RALGAPA2: variants seen among roughly 807,000 people sequenced by gnomAD.
The protein encoded by RALGAPA2 is ral GTPase-activating protein subunit alpha-2.
In RALGAPA2, 139 loss-of-function variants were observed where a neutral mutation model predicts 230.4. The ratio of observed to expected loss-of-function variants is 0.60; its 90% CI spans 0.53 to 0.69. The LOEUF is 0.69. Ranked by LOEUF, RALGAPA2 falls within the 30% of genes least tolerant of loss-of-function variation. RALGAPA2 has a pLI of 0.00. For synonymous variants in RALGAPA2, 847 were observed against 837.8 expected, an observed-to-expected ratio of 1.01 and a Z score of -0.19; for missense variants, 2,163 against 2,276.0, an observed-to-expected ratio of 0.95 and a Z score of 1.01.
At position 20,535,778 on chromosome 20, in the gene RALGAPA2, T is replaced by G; in HGVS notation, c.3440A>C (p.Lys1147Thr). 6.5e-7 allele frequency: 1 copy of G among 1,548,250 alleles called. No individual in the cohort carries two copies. Among genetic ancestry groups the G allele is most frequent in the Non-Finnish European group, 8.7e-7 (1 of 1,145,458 alleles). ...VKHYLINILL[K>T]NATEEPNEYA... ...TTCATTTGGTTCTTCTGTGGCATTC[T>G]TCAGTAAAATATTTATGAGGTAATG... is the stretch of plus-strand genomic sequence containing the variant. Residue 1147 changes from lysine (K) to threonine (T), a missense_variant, in exon 26 of 40, where the codon AAG becomes ACG. Lys to Thr is a moderately conservative substitution (Grantham distance 78, BLOSUM62 -1). Transcript: ENST00000202677.
At chr20:20,619,008 T>C (rs2066240982) in intron 12 of RALGAPA2, among the ~76,000 whole-genome samples, 1 of 152,252 alleles carries the variant, frequency 6.6e-6, no homozygotes, top group Non-Finnish European at 1.5e-5. Flanking sequence ...AGCCATTTCA[T>C]ATTCACTATA....
chr20:20,463,858 A>G (rs544814612), intron 37 of RALGAPA2, among the ~76,000 whole-genome samples: 1 of 152,250 alleles, frequency 6.6e-6, no homozygotes, highest in African/African-American at 2.4e-5. Context: ...TGGGTCAGCA[A>G]ATACCCTCTT....
At chr20:20,630,862 A>T (rs554510334) in intron 9 of RALGAPA2, among the ~76,000 whole-genome samples, 1 of 152,172 alleles carries the variant, frequency 6.6e-6, no homozygotes, top group Non-Finnish European at 1.5e-5. Context: ...AAAGTCTCTT[A>T]TGGCTCAATA....
At chr20:20,393,365 G>A in intron 39 of RALGAPA2, 112 bp from the exon 40 acceptor site, 1 of 850,786 alleles carries the variant, frequency 1.2e-6, no homozygotes, top group Non-Finnish European at 1.6e-6. Context: ...CCAGGAGAAG[G>A]GTCTGGTGAC....
intron 36 of RALGAPA2, among the ~76,000 whole-genome samples, chr20:20,486,513 C>G (rs1476322879): frequency 6.6e-6 from 1 of 152,194 alleles, no homozygotes; most frequent in Non-Finnish European, 1.5e-5. Flanking sequence ...TAGGAGCCCT[C>G]TGGCTCCTTT....
At chr20:20,590,647 G>C (rs1239139440) in intron 17 of RALGAPA2, among the ~76,000 whole-genome samples, 1 of 152,222 alleles carries the variant, frequency 6.6e-6, no homozygotes, top group Non-Finnish European at 1.5e-5. Flanking sequence ...TGTTGCTGCT[G>C]CAAGTTGTTG....
At chr20:20,588,619 G>T (rs941667040) in intron 18 of RALGAPA2, among the ~76,000 whole-genome samples, 2 of 152,054 alleles carry the variant, frequency 1.3e-5, no homozygotes, top group African/African-American at 4.8e-5. Context: ...ATGTAAACTG[G>T]TACATGCCCT....
chr20:20,466,478 C>A (rs2061423479), intron 37 of RALGAPA2, among the ~76,000 whole-genome samples: 1 of 152,182 alleles, frequency 6.6e-6, no homozygotes, highest in South Asian at 2.1e-4. Flanking sequence ...AGACTGCCAT[C>A]CTCTTTTAAT....
In RALGAPA2 at chr20:20,436,202, T is replaced by C. The variant is rs553800056; in HGVS notation, c.5496-24054A>G. Among the ~76,000 whole-genome samples, 48 of 152,238 alleles carry C rather than the reference T, an allele frequency of 3.2e-4. 1 individual carries two copies. Among genetic ancestry groups the C allele is most frequent in the Non-Finnish European group, 5.4e-4 (37 of 67,986 alleles). On this transcript the variant is annotated intron_variant, in intron 37 of 39. Transcript: ENST00000202677. ...TCAGGCCACTTTGCTCCTCAGGAAATACAGCAGCCTCCAGCATACAGTGCT... is the reference window on the plus strand; with the variant it reads ...TCAGGCCACTTTGCTCCTCAGGAAACACAGCAGCCTCCAGCATACAGTGCT...
intron 23 of RALGAPA2, among the ~76,000 whole-genome samples, chr20:20,556,510 A>C (rs1426316886): frequency 6.6e-6 from 1 of 152,194 alleles, no homozygotes; most frequent in African/African-American, 2.4e-5. Context: ...CTACGTAATG[A>C]CTGTCTTAGT....
In RALGAPA2 at chr20:20,601,766, C is replaced by T. The variant is rs766368945; in HGVS notation, c.2119G>A (p.Glu707Lys). 1.1e-5 allele frequency: 18 copies of T among 1,613,678 alleles called. No individual in the cohort carries two copies. Among genetic ancestry groups the T allele is most frequent in the Middle Eastern group, 3.3e-4 (2 of 6,078 alleles). The part of the protein sequence containing the change: ...LSWRSHPDVT[E>K]PMRFRSATTS... ...GTGGCACTCCTAAATCGCATCGGTT[C>T]GGTCACATCTGGGTGGCTCCGCCAG... Residue 707 changes from glutamate (E) to lysine (K), a missense_variant, in exon 16 of 40, where the codon GAA becomes AAA. By Grantham distance (56) the Glu-to-Lys change is moderately conservative (BLOSUM62 1). Coordinates refer to ENST00000202677, the MANE Select transcript of RALGAPA2 (RefSeq NM_020343.4).
chr20:20,567,971 C>A (rs1298604612), intron 23 of RALGAPA2, among the ~76,000 whole-genome samples: 6 of 151,720 alleles, frequency 4.0e-5, no homozygotes, highest in Admixed American at 3.9e-4. Flanking sequence ...AATAGTACAA[C>A]ATCATGCAGT....
intron 37 of RALGAPA2, among the ~76,000 whole-genome samples, chr20:20,445,071 T>C (rs2060830597): frequency 6.6e-6 from 1 of 152,234 alleles, no homozygotes; most frequent in African/African-American, 2.4e-5. Context: ...AATTGTTACA[T>C]TTTATTATTA....
At position 20,584,876 on chromosome 20, in the gene RALGAPA2, TC is replaced by T. The variant is rs1474472709; in HGVS notation, c.2518del (p.Glu840LysfsTer36). 6.2e-7 allele frequency: 1 copy of T among 1,608,624 alleles called. No homozygotes were observed. The highest frequency in any genetic ancestry group is 2.2e-5 in the East Asian group (1 of 44,794). On this transcript the variant is annotated frameshift_variant, in exon 19 of 40. Transcript: ENST00000202677. LOFTEE classifies it high-confidence loss of function. ...TTCCCGGAACTTACTCTTCTGTCTT[TC>T]CCTACATTTTCCTTGTGTCTGCTGC... Reference protein sequence around the residue: ...DLQQTQGKCRERQKSESTNSD... With the variant: ...DLQQTQGKCRXRQKSESTNSD...
chr20:20,677,983 A>G (rs1210534047), intron 2 of RALGAPA2, among the ~76,000 whole-genome samples: 1 of 152,002 alleles, frequency 6.6e-6, no homozygotes, highest in African/African-American at 2.4e-5. Flanking sequence ...CTCTTTTGAC[A>G]AGAAACTATG....
At chr20:20,419,609 G>A (rs2060235812) in intron 37 of RALGAPA2, among the ~76,000 whole-genome samples, 1 of 152,102 alleles carries the variant, frequency 6.6e-6, no homozygotes, top group Non-Finnish European at 1.5e-5. Flanking sequence ...TGTAGGGGAG[G>A]GGGATAATGC....
chr20:20,661,959 A>T lies in RALGAPA2; in HGVS notation c.271-8372T>A, dbSNP rs533749313. On this transcript the variant is annotated intron_variant, in intron 3 of 39. Transcript: ENST00000202677. Reference sequence around the variant, plus strand: ...ACATAGCATGAAAATAAAACAATGGAGGCATACTCCATTAAAACAACTTTC... The same window carrying T: ...ACATAGCATGAAAATAAAACAATGGTGGCATACTCCATTAAAACAACTTTC... 2.0e-5 allele frequency among the ~76,000 whole-genome samples: 3 copies of T among 152,344 alleles called. No homozygotes were observed. The South Asian group carries it at 6.2e-4, about 32-fold the overall frequency.
chr20:20,639,718 G>A, intron 7 of RALGAPA2, 67 bp downstream of exon 7: 2 of 1,080,130 alleles, frequency 1.9e-6, no homozygotes, highest in African/African-American at 1.6e-5. Flanking sequence ...AGAGGGAAAA[G>A]AGGCAATATT....
chr20:20,636,419 C>T (rs2066858849), intron 8 of RALGAPA2, among the ~76,000 whole-genome samples: 1 of 152,014 alleles, frequency 6.6e-6, no homozygotes, highest in Admixed American at 6.6e-5. Flanking sequence ...CATATAAAAT[C>T]AGAAACAAAT....
Sources: allele counts gnomAD v4.1 joint callset (sites outside exome capture counted in the v4.1 genomes callset), GRCh38; gene constraint gnomAD v4.1.1; transcripts MANE v1.5; gene names NCBI Gene and HGNC (gene_info 2026-07-23, HGNC 2026-07-21).